The following SKAP1 variants were observed in gnomAD, a reference collection of about 807,000 sequenced individuals.
SKAP1 encodes the protein src kinase-associated phosphoprotein 1.
In SKAP1, 44 loss-of-function variants were observed where a neutral mutation model predicts 58.5. That is an observed-to-expected ratio of 0.75 (90% confidence interval 0.59 to 0.97). SKAP1 has a LOEUF of 0.97. SKAP1 is among the 50% of genes least tolerant of loss of function. SKAP1 has a pLI of 0.00. For synonymous variants in SKAP1, 127 were observed against 149.7 expected (o/e 0.85, Z 1.11); for missense variants, 390 against 435.2 (o/e 0.90, Z 0.92).
intron 3 of SKAP1, among the ~76,000 whole-genome samples, chr17:48,359,884 C>T (rs1274359799): frequency 6.6e-6 from 1 of 152,154 alleles, no homozygotes; most frequent in African/African-American, 2.4e-5. Flanking sequence ...GGACTACAGG[C>T]ATGAGCCACT....
intron 1 of SKAP1, among the ~76,000 whole-genome samples, chr17:48,409,642 T>C (rs1197129296): frequency 7.3e-6 from 1 of 136,102 alleles, no homozygotes; most frequent in Non-Finnish European, 1.5e-5. Context: ...CACTCCAGCC[T>C]GGGTGATAGA....
At chr17:48,210,971 A>G (rs2064864805) in intron 4 of SKAP1, among the ~76,000 whole-genome samples, 1 of 152,170 alleles carries the variant, frequency 6.6e-6, no homozygotes, top group Non-Finnish European at 1.5e-5. Context: ...TAGAGGCCTT[A>G]ACAAAATAGA....
intron 7 of SKAP1, among the ~76,000 whole-genome samples, chr17:48,183,437 T>C (rs925630545): frequency 6.6e-6 from 1 of 152,242 alleles, no homozygotes; most frequent in Non-Finnish European, 1.5e-5. Flanking sequence ...GTAATTTTTT[T>C]ATTTTAAATG....
At chr17:48,328,251 C>T (rs1158541395) in intron 4 of SKAP1, among the ~76,000 whole-genome samples, 2 of 152,102 alleles carry the variant, frequency 1.3e-5, no homozygotes, top group Non-Finnish European at 2.9e-5. Flanking sequence ...GTGTAAAGTG[C>T]TATAAAGTGT....
chr17:48,142,861 A>G (rs1218809841), intron 11 of SKAP1, among the ~76,000 whole-genome samples: 1 of 152,016 alleles, frequency 6.6e-6, no homozygotes, highest in Non-Finnish European at 1.5e-5. Flanking sequence ...GATGGAGTGC[A>G]GTGGTGCAAG....
At chr17:48,143,467 C>T (rs1202125864) in intron 11 of SKAP1, among the ~76,000 whole-genome samples, 1 of 152,038 alleles carries the variant, frequency 6.6e-6, no homozygotes, top group Non-Finnish European at 1.5e-5. Context: ...CAGCTTCAGG[C>T]TCCCAAAGTG....
chr17:48,378,854 G>A (rs965680577), intron 2 of SKAP1, among the ~76,000 whole-genome samples: 3 of 152,222 alleles, frequency 2.0e-5, no homozygotes, highest in East Asian at 1.9e-4. Flanking sequence ...GAAGCAGGAA[G>A]GGCTGTCTGA....
intron 4 of SKAP1, among the ~76,000 whole-genome samples, chr17:48,332,055 T>C (rs1235697409): frequency 1.3e-5 from 2 of 152,088 alleles, no homozygotes; most frequent in Non-Finnish European, 2.9e-5. Context: ...AAGTAACTTG[T>C]AATGCCTTTT....
At chr17:48,137,668 A>G (rs1403046377) in intron 11 of SKAP1, among the ~76,000 whole-genome samples, 1 of 152,212 alleles carries the variant, frequency 6.6e-6, no homozygotes, top group Non-Finnish European at 1.5e-5. Flanking sequence ...AGAACACTAC[A>G]GATATTCAAG....
At chr17:48,184,617 G>T in intron 7 of SKAP1, 106 bp downstream of exon 7, 5 of 1,404,666 alleles carry the variant, frequency 3.6e-6, no homozygotes, top group Non-Finnish European at 5.0e-6. Flanking sequence ...GAAATGAGCA[G>T]GTAACAAAGA....
At chr17:48,135,351 C>G (rs778640009) in intron 12 of SKAP1, among the ~76,000 whole-genome samples, 13 of 152,180 alleles carry the variant, frequency 8.5e-5, no homozygotes, top group Non-Finnish European at 8.8e-5. Flanking sequence ...GGCCCTCCAT[C>G]AGAATCTTAA....
chr17:48,186,995 G>T (rs1305213762), intron 6 of SKAP1, among the ~76,000 whole-genome samples: 3 of 152,218 alleles, frequency 2.0e-5, no homozygotes, highest in African/African-American at 7.2e-5. Flanking sequence ...GCCCCAAGAA[G>T]AATTGATGCT....
In SKAP1 at chr17:48,250,820, A is replaced by T. The variant is rs77481787; in HGVS notation, c.281-61320T>A. ...AGTAAAAAGTGGATTAAGAAATGTCACCATAAAGCAAGCAAAGTCCTGAGG... is the reference window on the plus strand; with the variant it reads ...AGTAAAAAGTGGATTAAGAAATGTCTCCATAAAGCAAGCAAAGTCCTGAGG... On this transcript the variant is annotated intron_variant, in intron 4 of 12. Transcript: ENST00000336915. Among the ~76,000 whole-genome samples, 803 of 152,288 alleles carry T rather than the reference A, an allele frequency of 5.3e-3. 4 individuals are homozygous for T. Among genetic ancestry groups the T allele is most frequent in the Non-Finnish European group, 5.7e-3 (387 of 68,032 alleles).
intron 1 of SKAP1, among the ~76,000 whole-genome samples, chr17:48,420,702 T>A (rs2067783252): frequency 6.6e-6 from 1 of 152,136 alleles, no homozygotes; most frequent in South Asian, 2.1e-4. Context: ...TTTTCTATAC[T>A]CATAGGGACT....
upstream of SKAP1, among the ~76,000 whole-genome samples, chr17:48,435,089 T>G (rs2067933272): frequency 6.6e-6 from 1 of 152,070 alleles, no homozygotes; most frequent in Non-Finnish European, 1.5e-5. Flanking sequence ...AGTTCGAGGT[T>G]GCCGTGCCAC....
At chr17:48,391,589 T>A (rs893341439) in intron 2 of SKAP1, among the ~76,000 whole-genome samples, 9 of 152,208 alleles carry the variant, frequency 5.9e-5, no homozygotes, top group Non-Finnish European at 1.3e-4. Context: ...TTGACTGATA[T>A]AACTGATGAG....
chr17:48,271,654 A>G (rs1287754706), intron 4 of SKAP1, among the ~76,000 whole-genome samples: 1 of 151,978 alleles, frequency 6.6e-6, no homozygotes, highest in Non-Finnish European at 1.5e-5. Flanking sequence ...GAGCTACTGC[A>G]CCTGGACTAT....
chr17:48,190,263 C>T lies in SKAP1; in HGVS notation c.281-763G>A, dbSNP rs187324771. On this transcript the variant is annotated intron_variant, in intron 4 of 12. Coordinates refer to ENST00000336915, the MANE Select transcript of SKAP1 (RefSeq NM_003726.4). ...GTGAGACTACAGGCGACCACCACCA[C>T]GCCCGGCTAATTTTTTTTTGTTGTA... Among the ~76,000 whole-genome samples, 573 of 152,010 alleles carry T rather than the reference C, an allele frequency of 3.8e-3. 8 individuals carry two copies. The highest frequency in any genetic ancestry group is 0.012 in the African/African-American group (500 of 41,462).
chr17:48,321,297 A>C (rs372351966), intron 4 of SKAP1, among the ~76,000 whole-genome samples: 1 of 151,546 alleles, frequency 6.6e-6, no homozygotes, highest in South Asian at 2.1e-4. Context: ...AAAGATTTTC[A>C]GGAACAATAT....
Sources: gnomAD v4.1 joint callset for allele counts (sites outside exome capture counted in the v4.1 genomes callset) on GRCh38, gnomAD v4.1.1 for gene constraint, MANE v1.5 for transcripts, NCBI Gene and HGNC (gene_info 2026-07-23, HGNC 2026-07-21) for gene names.